Variants in ZDHHC3 observed in about 807,000 individuals in gnomAD.
The protein encoded by ZDHHC3 is zDHHC palmitoyltransferase 3, also known as palmitoyltransferase ZDHHC3.
In ZDHHC3, 9 loss-of-function variants were observed where a neutral mutation model predicts 30.6. That is an observed-to-expected ratio of 0.29 (90% CI 0.18 to 0.51). The LOEUF (loss-of-function observed/expected upper bound fraction) is 0.51. Among genes scored for constraint, ZDHHC3 ranks in the 20% least tolerant of loss-of-function variants. The probability of loss-of-function intolerance (pLI) is 0.97; values close to 1 mark genes in which losing one functional copy is unlikely to be tolerated. For synonymous variants in ZDHHC3, 136 were observed against 140.2 expected, an observed-to-expected ratio of 0.97 and a Z score of 0.21; for missense variants, 246 against 384.2, an observed-to-expected ratio of 0.64 and a Z score of 3.01.
rs1258481887 is a variant in ZDHHC3 at position 44,916,436 on chromosome 3, CCTT to C, written c.*10250_*10252del. 5 of 152,402 alleles carry C rather than the reference CCTT, an allele frequency of 3.3e-5. No homozygotes were observed. Among genetic ancestry groups the C allele is most frequent in the East Asian group, 1.9e-4 (1 of 5,160 alleles). The allele number at this position is 152,402 out of a possible 1,614,324, so 9.4% of individuals were successfully genotyped here. The stretch of plus-strand genomic sequence containing the variant: ...CTGAGGCTGCACCTCCAAACACTGA[CCTT>C]CTTCTCCTCTGAACTGCAGCCACAG... On this transcript the variant is annotated 3_prime_UTR_variant, in exon 7 of 7. Coordinates refer to ENST00000424952, the MANE Select transcript of ZDHHC3 (RefSeq NM_001135179.2).
intron 1 of ZDHHC3, among the ~76,000 whole-genome samples, chr3:44,968,361 A>T (rs1322639385): frequency 6.6e-6 from 1 of 152,204 alleles, no homozygotes; most frequent in East Asian, 1.9e-4. Flanking sequence ...CACTCTAAGC[A>T]GACTTTCCTT....
chr3:44,944,874 A>G (rs982480218), intron 3 of ZDHHC3, among the ~76,000 whole-genome samples: 1 of 152,186 alleles, frequency 6.6e-6, no homozygotes, highest in Non-Finnish European at 1.5e-5. Flanking sequence ...TCCATTTTAC[A>G]TATATAAAAA....
chr3:44,957,980 T>C (rs538412769), intron 2 of ZDHHC3, among the ~76,000 whole-genome samples: 1 of 152,332 alleles, frequency 6.6e-6, no homozygotes, highest in African/African-American at 2.4e-5. Context: ...AGCATGACCA[T>C]ATAGATGCTG....
Position 44,926,742 on chromosome 3 carries a change from G to C in ZDHHC3, c.847C>G (p.Pro283Ala). The C allele has an allele frequency of 6.2e-7, 1 of 1,613,796 alleles. No individual in the cohort carries two copies. The highest frequency in any genetic ancestry group is 8.5e-7 in the Non-Finnish European group (1 of 1,179,958). Residue 283 changes from proline (P) to alanine (A), a missense_variant, in exon 7 of 7, where the codon CCC becomes GCC. Transcript: ENST00000424952. ...GHPFSLGWAS[P>A]FATPDQGKAD... ...TTCCCTTGGTCTGGCGTGGCAAAGG[G>C]GCTGGCCCAGCCTAGAGAGAAGGGG...
intron 2 of ZDHHC3, among the ~76,000 whole-genome samples, chr3:44,947,648 C>T (rs529150560): frequency 6.6e-6 from 1 of 152,192 alleles, no homozygotes; most frequent in African/African-American, 2.4e-5. Flanking sequence ...CTACAGATGC[C>T]TAGACTCTTA....
intron 2 of ZDHHC3, among the ~76,000 whole-genome samples, chr3:44,955,457 T>TTATATATA (rs150337679): frequency 0.011 from 1,610 of 143,916 alleles, 22 homozygotes; most frequent in African/African-American, 0.037. Flanking sequence ...CACAAGGTTT[T>TTATATATA]TATATATATA....
rs1700379164 is a variant in ZDHHC3, at chr3:44,918,666, A to G, written c.*8023T>C. 32 of 1,000,148 alleles carry G rather than the reference A, an allele frequency of 3.2e-5. No individual in the cohort carries two copies. The highest frequency in any genetic ancestry group is 3.8e-5 in the Non-Finnish European group (32 of 836,976). The allele number at this position is 1,000,148 out of a possible 1,614,324, so 62.0% of individuals were successfully genotyped here. The stretch of plus-strand genomic sequence containing the variant: ...GCGAGGTGAAGAAGCGGGTGCTCGT[A>G]CAGCAAGTGCCAACATGCATTAGGC... On this transcript the variant is annotated 3_prime_UTR_variant, in exon 7 of 7. Coordinates refer to ENST00000424952, the MANE Select transcript of ZDHHC3 (RefSeq NM_001135179.2).
chr3:44,945,241 A>G lies in ZDHHC3; in HGVS notation c.358T>C (p.Leu120=). ...TTGTACACCACCTGCCCAGGCTTCA[A>G]CTGTAAACTCTCGATGAATTCTTTA... ...ATKEFIESLQ[L]KPGQVVYKCP... The change falls in exon 3 of 7, where the codon TTG becomes CTG. Residue 120 remains leucine, a synonymous_variant. Coordinates refer to ENST00000424952, the MANE Select transcript of ZDHHC3 (RefSeq NM_001135179.2). 6.2e-7 allele frequency: 1 copy of G among 1,614,236 alleles called. No homozygotes were observed. The highest frequency in any genetic ancestry group is 8.5e-7 in the Non-Finnish European group (1 of 1,180,044).
intron 3 of ZDHHC3, among the ~76,000 whole-genome samples, chr3:44,934,590 A>G (rs1445901507): frequency 7.1e-6 from 1 of 140,568 alleles, no homozygotes; most frequent in Non-Finnish European, 1.5e-5. Context: ...AAAAAAAAAA[A>G]GCAAGCAAGC....
Position 44,924,509 on chromosome 3 carries a change from G to C in ZDHHC3, c.*2180C>G. 1 of 985,382 alleles carries C rather than the reference G, an allele frequency of 1.0e-6. No homozygotes were observed. The highest frequency in any genetic ancestry group is 4.7e-5 in the South Asian group (1 of 21,290). 61.0% of individuals were successfully genotyped at this position (985,382 alleles called of 1,614,324 possible). On this transcript the variant is annotated 3_prime_UTR_variant, in exon 7 of 7. Transcript: ENST00000424952. ...TATCTGAAGGAACCCCACTCTATTG[G>C]AAAGATAAGCATAGTATGCACAGCT...
rs1700697052 is a variant in ZDHHC3 at position 44,922,812 on chromosome 3, G to A, written c.*3877C>T. 1 of 985,202 alleles carries A rather than the reference G, an allele frequency of 1.0e-6. No individual in the cohort carries two copies. The highest frequency in any genetic ancestry group is 1.2e-6 in the Non-Finnish European group (1 of 829,884). 61.0% of individuals were successfully genotyped at this position (985,202 alleles called of 1,614,324 possible). A position where few individuals can be genotyped will look rare whatever the true frequency, so the allele number is the denominator to read the frequency against. On this transcript the variant is annotated 3_prime_UTR_variant, in exon 7 of 7. Transcript: ENST00000424952. ...CAAGTTCTCAGGTGATGCTGATGTT[G>A]ACGTTGCTGGTCTGGCAACCTCAAG...
intron 1 of ZDHHC3, among the ~76,000 whole-genome samples, chr3:44,966,781 G>T (rs1265193812): frequency 6.6e-6 from 1 of 152,174 alleles, no homozygotes; most frequent in African/African-American, 2.4e-5. Context: ...CTTTTTAGAT[G>T]AGTCTCAGAA....
intron 3 of ZDHHC3, among the ~76,000 whole-genome samples, chr3:44,934,927 C>G (rs1331612829): frequency 2.0e-5 from 3 of 149,316 alleles, no homozygotes; most frequent in African/African-American, 7.4e-5. Context: ...GTCATTTGAG[C>G]TTAACTGTCG....
chr3:44,924,873 T>A lies in ZDHHC3; in HGVS notation c.*1816A>T. ...TCTTAGCATCTCAGCCTCGCCCGTA[T>A]CGCATGAATAGCACCGTAGACACGA... On this transcript the variant is annotated 3_prime_UTR_variant, in exon 7 of 7. Coordinates refer to ENST00000424952, the MANE Select transcript of ZDHHC3 (RefSeq NM_001135179.2). The A allele has an allele frequency of 1.0e-6, 1 of 985,580 alleles. No homozygotes were observed. Among genetic ancestry groups the A allele is most frequent in the African/African-American group, 1.7e-5 (1 of 57,372 alleles). 61.1% of individuals were successfully genotyped at this position (985,580 alleles called of 1,614,324 possible). A position where few individuals can be genotyped will look rare whatever the true frequency, so the allele number is the denominator to read the frequency against.
intron 6 of ZDHHC3, 149 bp downstream of exon 6, chr3:44,929,157 G>A (rs1227110787): frequency 9.4e-7 from 1 of 1,061,118 alleles, no homozygotes; most frequent in Non-Finnish European, 1.3e-6. Context: ...GATGACCCAA[G>A]TGTAACTGCA....
intron 4 of ZDHHC3, 79 bp downstream of exon 4, chr3:44,933,809 T>C: frequency 7.6e-7 from 1 of 1,310,206 alleles, no homozygotes; most frequent in Non-Finnish European, 1.1e-6. Flanking sequence ...AAGAACATCG[T>C]GAATGCTGAG....
intron 4 of ZDHHC3, 63 bp from the exon 5 acceptor site, chr3:44,933,262 G>A (rs981680063): frequency 1.4e-5 from 21 of 1,509,132 alleles, no homozygotes; most frequent in South Asian, 2.3e-5. Context: ...ACGGGCTCCC[G>A]GGACAGGGGC....
chr3:44,969,417 A>G (rs1705224636), intron 1 of ZDHHC3, among the ~76,000 whole-genome samples: 1 of 152,218 alleles, frequency 6.6e-6, no homozygotes, highest in Non-Finnish European at 1.5e-5. Flanking sequence ...TGCTTTTAGA[A>G]ACGAGAAAAC....
At position 44,919,708 on chromosome 3, in the gene ZDHHC3, G is replaced by T; in HGVS notation, c.*6981C>A. ...GGTACATACATTAGTTAAGGGTATG[G>T]TGTTGCCAATGTCCAGGGTTTTATA... On this transcript the variant is annotated 3_prime_UTR_variant, in exon 7 of 7. Transcript: ENST00000424952. 4.8e-6 allele frequency: 1 copy of T among 208,248 alleles called. No homozygotes were observed. Among genetic ancestry groups the T allele is most frequent in the Non-Finnish European group, 8.4e-6 (1 of 119,294 alleles). The allele number at this position is 208,248 out of a possible 1,614,324, so 12.9% of individuals were successfully genotyped here.
Sources: gnomAD v4.1 joint callset for allele counts (sites outside exome capture counted in the v4.1 genomes callset) on GRCh38, gnomAD v4.1.1 for gene constraint, MANE v1.5 for transcripts, NCBI Gene and HGNC (gene_info 2026-07-23, HGNC 2026-07-21) for gene names.